LDLRAD4: variants seen among roughly 807,000 people sequenced by gnomAD.
LDLRAD4 encodes low-density lipoprotein receptor class A domain-containing protein 4.
In LDLRAD4, 5 loss-of-function variants were observed where a neutral mutation model predicts 17.0. That is an observed-to-expected ratio of 0.29 (90% CI 0.15 to 0.62). The LOEUF is 0.62. Among genes scored for constraint, LDLRAD4 ranks in the 20% least tolerant of loss-of-function variants. The pLI is 0.84. For missense variants in LDLRAD4, 340 were observed against 424.7 expected, an observed-to-expected ratio of 0.80 and a Z score of 1.75; for synonymous variants, 168 against 171.8, an observed-to-expected ratio of 0.98 and a Z score of 0.17.
chr18:13,220,858 C>T (rs2041412383), intron 1 of LDLRAD4, among the ~76,000 whole-genome samples: 1 of 152,216 alleles, frequency 6.6e-6, no homozygotes, highest in South Asian at 2.1e-4. Flanking sequence ...TGGTTTCTGG[C>T]AGGCAGTCCA....
At chr18:13,287,569 G>A (rs1275030866) in intron 1 of LDLRAD4, among the ~76,000 whole-genome samples, 1 of 152,176 alleles carries the variant, frequency 6.6e-6, no homozygotes, top group Non-Finnish European at 1.5e-5. Flanking sequence ...GACTACGACG[G>A]CGCCACCCTA....
intron 1 of LDLRAD4, chr18:13,279,705 A>G (rs145375394): frequency 6.6e-6 from 1 of 152,380 alleles, no homozygotes; most frequent in African/African-American, 2.4e-5. Flanking sequence ...GTACTGGTAT[A>G]TGTGGATTTT....
rs188775773 is a variant in LDLRAD4, at chr18:13,605,114, G to A, written c.182-16003G>A. 1.4e-3 allele frequency among the ~76,000 whole-genome samples: 206 copies of A among 152,332 alleles called. 1 individual carries two copies. Among genetic ancestry groups the A allele is most frequent in the African/African-American group, 4.5e-3 (189 of 41,576 alleles). On this transcript the variant is annotated intron_variant, in intron 3 of 5. Transcript: ENST00000359446. Reference sequence around the variant, plus strand: ...CCTGGCACTTGAGTTTGTCCAGAGCGCAGAATTAGAGTGTTCTCTTAACAT... The same window carrying A: ...CCTGGCACTTGAGTTTGTCCAGAGCACAGAATTAGAGTGTTCTCTTAACAT...
intron 1 of LDLRAD4, among the ~76,000 whole-genome samples, chr18:13,252,974 A>T (rs1019684427): frequency 6.6e-6 from 1 of 152,226 alleles, no homozygotes; most frequent in Non-Finnish European, 1.5e-5. Context: ...AGCAGATGGC[A>T]TGAGACAGGT....
intron 3 of LDLRAD4, among the ~76,000 whole-genome samples, chr18:13,493,611 A>G (rs1307289006): frequency 6.6e-6 from 1 of 152,198 alleles, no homozygotes; most frequent in Non-Finnish European, 1.5e-5. Flanking sequence ...CCAATATTTG[A>G]ATGGCATCGT....
chr18:13,308,913 G>C (rs1391620066), intron 1 of LDLRAD4, among the ~76,000 whole-genome samples: 1 of 152,104 alleles, frequency 6.6e-6, no homozygotes, highest in Non-Finnish European at 1.5e-5. Flanking sequence ...TTCTTTTGTG[G>C]CTTCTGGATT....
rs564917126 is a variant in LDLRAD4 at position 13,440,085 on chromosome 18, C to T, written c.181+1701C>T. On this transcript the variant is annotated intron_variant, in intron 3 of 5. Transcript: ENST00000359446. The surrounding 1 kb of genome is among the most constrained non-coding windows in gnomAD (Gnocchi z 4.4). ...TTCTCTGGACTTGACTAACAGCAGA[C>T]ACACCACGGTAAGCTGTGTAGAGAA... Among the ~76,000 whole-genome samples the T allele has an allele frequency of 2.0e-3, 308 of 152,290 alleles. 3 individuals are homozygous for T. The highest frequency in any genetic ancestry group is 7.1e-3 in the African/African-American group (296 of 41,546).
At chr18:13,583,960 C>T (rs2094901474) in intron 3 of LDLRAD4, among the ~76,000 whole-genome samples, 1 of 152,150 alleles carries the variant, frequency 6.6e-6, no homozygotes, top group Non-Finnish European at 1.5e-5. Flanking sequence ...CTGCCGTGCC[C>T]TTCCCATCTC....
intron 1 of LDLRAD4, among the ~76,000 whole-genome samples, chr18:13,232,670 C>T (rs1464252660): frequency 6.6e-6 from 1 of 152,246 alleles, no homozygotes; most frequent in Non-Finnish European, 1.5e-5. Flanking sequence ...GACTCTTCCG[C>T]TGTGGCTGCC....
At chr18:13,565,685 A>G (rs2094591605) in intron 3 of LDLRAD4, among the ~76,000 whole-genome samples, 1 of 152,232 alleles carries the variant, frequency 6.6e-6, no homozygotes, top group Admixed American at 6.5e-5. Context: ...TGCCGTGAGC[A>G]TAACCTTTCT....
At chr18:13,625,682 C>T (rs908431899) in intron 4 of LDLRAD4, among the ~76,000 whole-genome samples, 6 of 150,904 alleles carry the variant, frequency 4.0e-5, no homozygotes, top group Non-Finnish European at 8.9e-5. Flanking sequence ...GAGCCGCAGC[C>T]GGCGCCCTCC....
intron 3 of LDLRAD4, among the ~76,000 whole-genome samples, chr18:13,444,641 T>G (rs2091264571): frequency 6.6e-6 from 1 of 152,168 alleles, no homozygotes. Context: ...AGACTGTTGA[T>G]CCTTTCTCTG....
chr18:13,434,819 A>G (rs1331397885), intron 2 of LDLRAD4, among the ~76,000 whole-genome samples: 1 of 152,268 alleles, frequency 6.6e-6, no homozygotes, highest in Non-Finnish European at 1.5e-5. Flanking sequence ...TAAACATTCC[A>G]ATAAAATACC....
intron 3 of LDLRAD4, among the ~76,000 whole-genome samples, chr18:13,598,611 A>G (rs1201879961): frequency 6.6e-6 from 1 of 152,130 alleles, no homozygotes; most frequent in African/African-American, 2.4e-5. Context: ...TAAGCTTGTC[A>G]CTCTCAAAGA....
chr18:13,542,458 C>G (rs1416159440), intron 3 of LDLRAD4: 2 of 152,848 alleles, frequency 1.3e-5, no homozygotes, highest in Non-Finnish European at 2.9e-5. Flanking sequence ...TGTCCCCTCC[C>G]TGGTAAGCCA....
chr18:13,445,766 G>GGTGT (rs919803347), intron 3 of LDLRAD4, among the ~76,000 whole-genome samples: 164 of 147,806 alleles, frequency 1.1e-3, no homozygotes, highest in African/African-American at 4.0e-3. Context: ...TGCATGTGTG[G>GGTGT]GTGTGTGTGT....
intron 1 of LDLRAD4, among the ~76,000 whole-genome samples, chr18:13,332,430 T>C (rs2081912268): frequency 6.6e-6 from 1 of 152,164 alleles, no homozygotes; most frequent in South Asian, 2.1e-4. Flanking sequence ...AAGTTCATAG[T>C]TTATGGTGGA....
chr18:13,385,827 A>C (rs1328406746), intron 1 of LDLRAD4, among the ~76,000 whole-genome samples: 1 of 152,238 alleles, frequency 6.6e-6, no homozygotes, highest in Admixed American at 6.5e-5. Flanking sequence ...TCACATTTTC[A>C]AGCACTTCAA....
At chr18:13,347,336 A>C (rs1599576592) in intron 1 of LDLRAD4, among the ~76,000 whole-genome samples, 2 of 152,190 alleles carry the variant, frequency 1.3e-5, no homozygotes, top group Non-Finnish European at 2.9e-5. Flanking sequence ...TATGAAGCTT[A>C]GTTTGGCTGG....
Sources: allele counts gnomAD v4.1 joint callset (sites outside exome capture counted in the v4.1 genomes callset), GRCh38; gene constraint gnomAD v4.1.1; non-coding constraint Gnocchi (gnomAD v3.1); transcripts MANE v1.5; gene names NCBI Gene and HGNC (gene_info 2026-07-23, HGNC 2026-07-21).